The following KAT7 variants were observed in gnomAD, a reference collection of about 807,000 sequenced individuals.
The protein encoded by KAT7 is lysine acetyltransferase 7.
In KAT7, 10 loss-of-function variants were observed where a neutral mutation model predicts 82.1. The observed-to-expected ratio is 0.12, with a 90% CI of 0.08 to 0.21. The LOEUF is 0.21. KAT7 is among the 10% of genes least tolerant of loss of function. The pLI, the probability that KAT7 is intolerant of heterozygous loss-of-function variation, is 1.00. For missense variants in KAT7, 378 were observed against 760.9 expected, an observed-to-expected ratio of 0.50 and a Z score of 5.92; for synonymous variants, 250 against 262.5, an observed-to-expected ratio of 0.95 and a Z score of 0.46.
intron 2 of KAT7, chr17:49,795,480 G>T: frequency 4.1e-6 from 1 of 241,654 alleles, no homozygotes; most frequent in Non-Finnish European, 9.0e-6. Context: ...AAGGTTCTGT[G>T]GAGGGCTTTG....
intron 1 of KAT7, 102 bp downstream of exon 1, chr17:49,788,951 GCTCC>G (rs1382959459): frequency 5.3e-6 from 6 of 1,138,354 alleles, no homozygotes; most frequent in Non-Finnish European, 7.3e-6. Flanking sequence ...CCAACTTTCC[GCTCC>G]CCCGAACCTT....
chr17:49,794,421 G>T (rs2073928561), intron 2 of KAT7, among the ~76,000 whole-genome samples: 6 of 152,198 alleles, frequency 3.9e-5, no homozygotes, highest in Admixed American at 3.9e-4. Flanking sequence ...AAGTAGCTGG[G>T]ATTACAGGCG....
At chr17:49,802,627 T>C (rs2143886490) in intron 4 of KAT7, among the ~76,000 whole-genome samples, 1 of 150,790 alleles carries the variant, frequency 6.6e-6, no homozygotes, top group South Asian at 2.1e-4. Context: ...AGATTGGCCA[T>C]TGCACTCCAG....
intron 2 of KAT7, among the ~76,000 whole-genome samples, chr17:49,796,516 A>C (rs934739635): frequency 2.0e-5 from 3 of 152,230 alleles, no homozygotes; most frequent in Non-Finnish European, 2.9e-5. Flanking sequence ...AGTTGAATCA[A>C]GTTCAGTCCT....
chr17:49,811,495 T>C lies in KAT7; in HGVS notation c.773T>C (p.Leu258Pro). 6.5e-7 allele frequency: 1 copy of C among 1,538,954 alleles called. No individual in the cohort carries two copies. Among genetic ancestry groups the C allele is most frequent in the Admixed American group, 2.1e-5 (1 of 48,640 alleles). The part of the protein sequence containing the change: ...TRHQAPTERQ[L>P]RYKEKVAELR... Reference sequence around the variant, plus strand: ...TTTTAGGCACCAACGGAGAGACAGCTTCGATATAAGGAAAAAGTGGCTGAA... The same window carrying C: ...TTTTAGGCACCAACGGAGAGACAGCCTCGATATAAGGAAAAAGTGGCTGAA... Residue 258 changes from leucine (L) to proline (P), a missense_variant, in exon 7 of 15, where the codon CTT becomes CCT. Leu to Pro is a moderately conservative substitution (Grantham distance 98). Transcript: ENST00000259021.
At chr17:49,819,965 G>A (rs2074281398) in intron 9 of KAT7, among the ~76,000 whole-genome samples, 1 of 152,220 alleles carries the variant, frequency 6.6e-6, no homozygotes, top group South Asian at 2.1e-4. Flanking sequence ...AATAGAAAGT[G>A]TTTCATGGGC....
chr17:49,797,474 C>G (rs2073971753), intron 3 of KAT7, among the ~76,000 whole-genome samples: 1 of 152,168 alleles, frequency 6.6e-6, no homozygotes, highest in Non-Finnish European at 1.5e-5. Flanking sequence ...CTGGGCCCTT[C>G]TTAACCACAT....
Position 49,798,670 on chromosome 17 carries a change from T to C in KAT7, c.580+112T>C, listed in dbSNP as rs373626722. ...TTTAGCTTCTTAGGCTCTTCAGTGGTCATGTGCTGAGTGATAATGAGTTGC... is the reference window on the plus strand; with the variant it reads ...TTTAGCTTCTTAGGCTCTTCAGTGGCCATGTGCTGAGTGATAATGAGTTGC... On this transcript the variant is annotated intron_variant, in intron 4 of 14. Transcript: ENST00000259021. The C allele has an allele frequency of 1.8e-5, 20 of 1,122,446 alleles. No individual in the cohort carries two copies. The African/African-American group carries it at 2.2e-4, about 12-fold the overall frequency. 69.5% of individuals were successfully genotyped at this position (1,122,446 alleles called of 1,614,324 possible). A position where few individuals can be genotyped will look rare whatever the true frequency, so the allele number is the denominator to read the frequency against.
intron 6 of KAT7, among the ~76,000 whole-genome samples, chr17:49,810,222 C>T (rs1248434647): frequency 1.3e-5 from 2 of 152,114 alleles, no homozygotes; most frequent in Non-Finnish European, 2.9e-5. Flanking sequence ...GGTAACTACA[C>T]TTTTCTTCGT....
intron 1 of KAT7, 87 bp downstream of exon 1, chr17:49,788,936 GGGTCCCA>G (rs1358204390): frequency 8.6e-6 from 11 of 1,279,146 alleles, no homozygotes; most frequent in Non-Finnish European, 1.2e-5. Context: ...CACAGTGCTT[GGGTCCCA>G]ACTTTCCGCT....
intron 2 of KAT7, chr17:49,795,774 A>G (rs1385604582): frequency 2.7e-5 from 6 of 224,706 alleles, no homozygotes; most frequent in Admixed American, 2.5e-4. Flanking sequence ...TGGTTCCCCT[A>G]CACTAGGTGT....
At chr17:49,794,147 A>C (rs113636159) in intron 2 of KAT7, among the ~76,000 whole-genome samples, 6 of 152,184 alleles carry the variant, frequency 3.9e-5, no homozygotes, top group Non-Finnish European at 5.9e-5. Flanking sequence ...AAGATCTTAC[A>C]GTTCAGTGCA....
In KAT7 at chr17:49,788,777, C is replaced by G. The variant is rs895593559; in HGVS notation, c.-58C>G. ...CCGCCACGGAGCCCGCCGGAGCCAC[C>G]GTTCCTGCTGCTGCCGCCGCTGCCC... On this transcript the variant is annotated 5_prime_UTR_variant, in exon 1 of 15. Transcript: ENST00000259021. The G allele has an allele frequency of 1.0e-5, 16 of 1,551,280 alleles. No homozygotes were observed. Among genetic ancestry groups the G allele is most frequent in the South Asian group, 3.5e-5 (3 of 84,738 alleles).
At chr17:49,819,040 G>A (rs1382764544) in intron 9 of KAT7, among the ~76,000 whole-genome samples, 2 of 152,184 alleles carry the variant, frequency 1.3e-5, no homozygotes, top group East Asian at 3.9e-4. Context: ...CCCAGCCCTT[G>A]TTCTCATAAT....
chr17:49,811,455 T>A, intron 6 of KAT7, 21 bp from the exon 7 acceptor site: 1 of 1,259,730 alleles, frequency 7.9e-7, no homozygotes, highest in African/African-American at 1.5e-5. Context: ...TTTCTCTCAG[T>A]TTTCTCCTTT....
At chr17:49,816,052 CT>C in intron 8 of KAT7, 139 bp downstream of exon 8, 1 of 598,202 alleles carries the variant, frequency 1.7e-6, no homozygotes, top group South Asian at 2.1e-5. Flanking sequence ...CCAGCTGTCC[CT>C]TTTTGGAGAC....
Position 49,791,893 on chromosome 17 carries a change from C to T in KAT7, c.23C>T (p.Ala8Val), listed in dbSNP as rs771977123. The change falls in exon 2 of 15, where the codon GCA becomes GTA. Residue 8 changes from alanine (A) to valine (V), a missense_variant. Physicochemically the swap from Ala to Val is moderately conservative, Grantham distance 64. This residue lies in a region of KAT7 where 161 missense variants were observed against 229.6 expected (regional missense o/e 0.70). Transcript: ENST00000259021. MPRRKRNAGSSSDGTEDS... is the reference protein window; with the variant it reads MPRRKRNVGSSSDGTEDS... ...GGATCTATGGTATTACAGAGGAATG[C>T]AGGCAGTAGTTCAGATGGAACCGAA... 5 of 1,613,884 alleles carry T rather than the reference C, an allele frequency of 3.1e-6. No homozygotes were observed. Among genetic ancestry groups the T allele is most frequent in the Admixed American group, 1.7e-5 (1 of 59,994 alleles).
intron 12 of KAT7, among the ~76,000 whole-genome samples, chr17:49,824,276 A>C (rs962605963): frequency 7.2e-5 from 11 of 152,180 alleles, no homozygotes; most frequent in African/African-American, 2.7e-4. Flanking sequence ...GTGTTATTCT[A>C]TATTTGATGT....
rs1567854026 is a variant in KAT7 at position 49,805,522 on chromosome 17, G to T, written c.663+77G>T. ...GCCAGGCACTTTGCTGAACACTGGG[G>T]ATACAGTGGCCAACAAGATGGGTAG... On this transcript the variant is annotated intron_variant, in intron 5 of 14. Coordinates refer to ENST00000259021, the MANE Select transcript of KAT7 (RefSeq NM_007067.5). 3.4e-5 allele frequency: 33 copies of T among 961,026 alleles called. No homozygotes were observed. The South Asian group carries it at 4.5e-4, about 13-fold the overall frequency. 59.5% of individuals were successfully genotyped at this position (961,026 alleles called of 1,614,324 possible).
Sources: allele counts gnomAD v4.1 joint callset (sites outside exome capture counted in the v4.1 genomes callset), GRCh38; gene constraint gnomAD v4.1.1; regional missense constraint gnomAD v4.1.1; transcripts MANE v1.5; gene names NCBI Gene and HGNC (gene_info 2026-07-23, HGNC 2026-07-21).